The following G3BP2 variants were observed in gnomAD, a reference collection of about 807,000 sequenced individuals.
G3BP2 encodes G3BP stress granule assembly factor 2, also known as ras GTPase-activating protein-binding protein 2.
In G3BP2, 11 loss-of-function variants were observed where a neutral mutation model predicts 56.7. The ratio of observed to expected loss-of-function variants is 0.19; its 90% CI spans 0.12 to 0.32. G3BP2 has a LOEUF of 0.32. G3BP2 is among the 10% of genes least tolerant of loss of function. The probability of loss-of-function intolerance (pLI) is 1.00; values close to 1 mark genes in which losing one functional copy is unlikely to be tolerated. For missense variants in G3BP2, 340 were observed against 610.9 expected, an observed-to-expected ratio of 0.56 and a Z score of 4.67; for synonymous variants, 165 against 191.6, an observed-to-expected ratio of 0.86 and a Z score of 1.15.
chr4:75,676,336 ATTTTTTTTT>A (rs34017434), upstream of G3BP2, among the ~76,000 whole-genome samples: 5 of 92,076 alleles, frequency 5.4e-5, no homozygotes, highest in Admixed American at 1.3e-4. Flanking sequence ...ATTGCCAATA[ATTTTTTTTT>A]TTTTTTTTTT....
chr4:75,684,495 T>C (rs1244722916), intron 3 of G3BP2, among the ~76,000 whole-genome samples: 1 of 151,742 alleles, frequency 6.6e-6, no homozygotes, highest in South Asian at 2.1e-4. Context: ...TTAAAGTAAA[T>C]GTATTTATTT....
At position 75,645,333 on chromosome 4, in the gene G3BP2, A is replaced by G; in HGVS notation, c.*97T>C. On this transcript the variant is annotated 3_prime_UTR_variant, in exon 12 of 12. Transcript: ENST00000359707. ...TTTTCACATCAAAGAAATGATCAAA[A>G]AGGCTGTGTCACATTCCAAAGCCAA... is the stretch of plus-strand genomic sequence containing the variant. 1 of 1,088,190 alleles carries G rather than the reference A, an allele frequency of 9.2e-7. No homozygotes were observed. Among genetic ancestry groups the G allele is most frequent in the Non-Finnish European group, 1.3e-6 (1 of 754,146 alleles). 67.4% of individuals were successfully genotyped at this position (1,088,190 alleles called of 1,614,324 possible). A position where few individuals can be genotyped will look rare whatever the true frequency, so the allele number is the denominator to read the frequency against.
At chr4:75,682,409 C>T (rs1380186553) in intron 3 of G3BP2, among the ~76,000 whole-genome samples, 2 of 129,992 alleles carry the variant, frequency 1.5e-5, no homozygotes, top group Non-Finnish European at 1.7e-5. Context: ...AGCGAGACTC[C>T]GTCTCAAAAA....
At chr4:75,689,815 A>G (rs937816318) in intron 3 of G3BP2, among the ~76,000 whole-genome samples, 1 of 152,246 alleles carries the variant, frequency 6.6e-6, no homozygotes, top group Admixed American at 6.5e-5. Context: ...CATAAATCCT[A>G]CAAACACAAT....
intron 3 of G3BP2, among the ~76,000 whole-genome samples, chr4:75,709,818 C>T (rs1719690966): frequency 6.7e-6 from 1 of 150,368 alleles, no homozygotes; most frequent in Non-Finnish European, 1.5e-5. Flanking sequence ...TACAGGCACA[C>T]ATCACTGCAC....
intron 1 of G3BP2, among the ~76,000 whole-genome samples, chr4:75,663,782 C>G (rs1357070336): frequency 6.4e-5 from 3 of 47,228 alleles, no homozygotes; most frequent in African/African-American, 1.5e-4. Context: ...TTGCTTGAAC[C>G]CGGGAGGCGG....
chr4:75,672,216 G>A (rs1328023382), intron 1 of G3BP2, among the ~76,000 whole-genome samples: 1 of 151,952 alleles, frequency 6.6e-6, no homozygotes, highest in Non-Finnish European at 1.5e-5. Context: ...CCCCAAATCC[G>A]TTAGAACATT....
intron 3 of G3BP2, 133 bp downstream of exon 3, chr4:75,658,710 A>C: frequency 3.0e-6 from 2 of 672,132 alleles, no homozygotes; most frequent in Admixed American, 5.0e-5. Context: ...CTGGGCAACA[A>C]GAGCAAAACT....
upstream of G3BP2, among the ~76,000 whole-genome samples, chr4:75,675,793 C>CA (rs1239009325): frequency 8.6e-5 from 13 of 151,472 alleles, no homozygotes; most frequent in Non-Finnish European, 1.3e-4. Flanking sequence ...AACTCCGTCT[C>CA]AAAAAAAACA....
At chr4:75,685,724 C>A (rs746729806) in intron 3 of G3BP2, among the ~76,000 whole-genome samples, 1 of 152,086 alleles carries the variant, frequency 6.6e-6, no homozygotes, top group African/African-American at 2.4e-5. Flanking sequence ...TATAAACTAT[C>A]GTGATTATTT....
At chr4:75,659,775 T>A (rs1306334084) in intron 2 of G3BP2, among the ~76,000 whole-genome samples, 1 of 152,218 alleles carries the variant, frequency 6.6e-6, no homozygotes, top group Non-Finnish European at 1.5e-5. Context: ...AATATACCTA[T>A]CAAGTGGGGC....
chr4:75,653,951 G>A, intron 8 of G3BP2, 32 bp downstream of exon 8: 1 of 937,902 alleles, frequency 1.1e-6, no homozygotes, highest in South Asian at 1.4e-5. Flanking sequence ...ATGTAACAAG[G>A]ATACAATCCA....
At chr4:75,657,798 T>A in intron 3 of G3BP2, 68 bp from the exon 4 acceptor site, 1 of 950,792 alleles carries the variant, frequency 1.1e-6, no homozygotes, top group Non-Finnish European at 1.6e-6. Context: ...TAATATTACC[T>A]ACCCTCATTG....
At chr4:75,646,552 C>G (rs1731219972) in intron 10 of G3BP2, 96 bp from the exon 11 acceptor site, 1 of 792,908 alleles carries the variant, frequency 1.3e-6, no homozygotes, top group Non-Finnish European at 2.2e-6. Flanking sequence ...TCTCCCCGAT[C>G]CATTTTAAAA....
chr4:75,651,318 T>C (rs1164021047), intron 8 of G3BP2, among the ~76,000 whole-genome samples: 1 of 152,240 alleles, frequency 6.6e-6, no homozygotes, highest in Non-Finnish European at 1.5e-5. Flanking sequence ...CTTGAGGCCC[T>C]GGTCTTGACT....
chr4:75,706,933 C>T (rs935831762), intron 3 of G3BP2, among the ~76,000 whole-genome samples: 4 of 152,040 alleles, frequency 2.6e-5, no homozygotes, highest in African/African-American at 9.7e-5. Context: ...TGGCTCATGC[C>T]TATAATCCCA....
intron 3 of G3BP2, among the ~76,000 whole-genome samples, chr4:75,683,016 G>A (rs1465355954): frequency 6.6e-6 from 1 of 151,838 alleles, no homozygotes; most frequent in Non-Finnish European, 1.5e-5. Flanking sequence ...AAATCATGCA[G>A]CTGATAGACA....
chr4:75,704,023 TTTC>T (rs1440607334), intron 3 of G3BP2, among the ~76,000 whole-genome samples: 1 of 151,862 alleles, frequency 6.6e-6, no homozygotes, highest in African/African-American at 2.4e-5. Flanking sequence ...TTTTTTTTTT[TTTC>T]TTTTTTTTTT....
At chr4:75,680,837 A>T (rs886361522) in intron 3 of G3BP2, among the ~76,000 whole-genome samples, 1 of 151,904 alleles carries the variant, frequency 6.6e-6, no homozygotes. Context: ...TGGTGGTGGC[A>T]TGTGCCTGTA....
Sources: gnomAD v4.1 joint callset for allele counts (sites outside exome capture counted in the v4.1 genomes callset) on GRCh38, gnomAD v4.1.1 for gene constraint, MANE v1.5 for transcripts, NCBI Gene and HGNC (gene_info 2026-07-23, HGNC 2026-07-21) for gene names.